The following ADAM19 variants were observed in gnomAD, a reference collection of about 807,000 sequenced individuals.
ADAM19 encodes ADAM metallopeptidase domain 19.
In ADAM19, 65 loss-of-function variants were observed where a neutral mutation model predicts 114.7. The observed-to-expected ratio is 0.57, with a 90% CI of 0.46 to 0.70. The LOEUF (loss-of-function observed/expected upper bound fraction) is 0.70, where lower values mean the gene tolerates loss of function less well. Ranked by LOEUF, ADAM19 falls within the 30% of genes least tolerant of loss-of-function variation. The pLI, the probability that ADAM19 is intolerant of heterozygous loss-of-function variation, is 0.00. For missense variants in ADAM19, 1,063 were observed against 1,204.7 expected (o/e 0.88, Z 1.74); for synonymous variants, 466 against 460.5 (o/e 1.01, Z -0.15).
intron 2 of ADAM19, chr5:157,570,688 CAACT>C: frequency 2.0e-6 from 1 of 490,678 alleles, no homozygotes; most frequent in Non-Finnish European, 3.6e-6. Context: ...TTCATTTCCT[CAACT>C]AATAGCATTG....
chr5:157,532,605 T>C (rs1173560521), intron 4 of ADAM19, among the ~76,000 whole-genome samples: 1 of 152,120 alleles, frequency 6.6e-6, no homozygotes, highest in Non-Finnish European at 1.5e-5. Context: ...AGAGCCAAGT[T>C]CTGGAAAGAT....
intron 7 of ADAM19, among the ~76,000 whole-genome samples, 165 bp from the exon 8 acceptor site, chr5:157,513,670 G>A (rs1014015332): frequency 2.0e-5 from 3 of 152,176 alleles, no homozygotes; most frequent in African/African-American, 7.2e-5. Flanking sequence ...TTGGAGGGTA[G>A]GACCTGTCAA....
intron 20 of ADAM19, among the ~76,000 whole-genome samples, chr5:157,488,793 A>G (rs1392893276): frequency 6.6e-6 from 1 of 152,124 alleles, no homozygotes; most frequent in Non-Finnish European, 1.5e-5. Context: ...GCATTTTGGG[A>G]GGCCGAGGCG....
At chr5:157,564,506 C>T in intron 2 of ADAM19, 63 bp from the exon 3 acceptor site, 3 of 1,429,244 alleles carry the variant, frequency 2.1e-6, no homozygotes, top group African/African-American at 1.4e-5. Context: ...CTGGGTCGGG[C>T]ACAGGATCTA....
intron 9 of ADAM19, among the ~76,000 whole-genome samples, chr5:157,508,708 A>C (rs150844082): frequency 4.6e-5 from 7 of 152,224 alleles, no homozygotes; most frequent in Admixed American, 1.3e-4. Flanking sequence ...AATACCAAAT[A>C]ATCACCCTGG....
chr5:157,574,093 C>A (rs538712167), intron 1 of ADAM19, among the ~76,000 whole-genome samples: 1 of 152,078 alleles, frequency 6.6e-6, no homozygotes, highest in South Asian at 2.1e-4. Context: ...ACGCAAGACA[C>A]GAAACTGTAC....
chr5:157,478,754 GA>G lies in ADAM19; in HGVS notation c.*2194del. ...CAACTTTATGGGATGGAGGTGATAT[GA>G]AAATAATAAAACAAAACAAAACAAA... On this transcript the variant is annotated 3_prime_UTR_variant, in exon 23 of 23. Coordinates refer to ENST00000257527, the MANE Select transcript of ADAM19 (RefSeq NM_033274.5). 1.0e-6 allele frequency: 1 copy of G among 985,804 alleles called. No homozygotes were observed. Among genetic ancestry groups the G allele is most frequent in the Non-Finnish European group, 1.2e-6 (1 of 829,930 alleles). The allele number at this position is 985,804 out of a possible 1,614,324, so 61.1% of individuals were successfully genotyped here.
Position 157,503,865 on chromosome 5 carries a change from C to T in ADAM19, c.1131-885G>A, listed in dbSNP as rs367825732. ...CAAACTCAACCAGCCAACTCATAAA[C>T]GCATGCTCTTTATCACAGGAGTATG... On this transcript the variant is annotated intron_variant, in intron 11 of 22. Coordinates refer to ENST00000257527, the MANE Select transcript of ADAM19 (RefSeq NM_033274.5). Among the ~76,000 whole-genome samples the T allele has an allele frequency of 6.6e-5, 10 of 152,312 alleles. No homozygotes were observed. In the East Asian group the frequency reaches 1.2e-3, roughly 18 times the overall value.
Position 157,549,516 on chromosome 5 carries a change from C to T in ADAM19, c.252-11525G>A, listed in dbSNP as rs138406800. On this transcript the variant is annotated intron_variant, in intron 3 of 22. Coordinates refer to ENST00000257527, the MANE Select transcript of ADAM19 (RefSeq NM_033274.5). ...ATTCTCCATTCATCTCATCTCCCTC[C>T]CTCATCAAAAGCCTCCCATCATTCT... is the stretch of plus-strand genomic sequence containing the variant. Among the ~76,000 whole-genome samples, 4 of 152,314 alleles carry T rather than the reference C, an allele frequency of 2.6e-5. No individual in the cohort carries two copies. The East Asian group carries it at 7.7e-4, about 29-fold the overall frequency.
intron 3 of ADAM19, among the ~76,000 whole-genome samples, chr5:157,554,984 G>T (rs962805443): frequency 1.3e-5 from 2 of 152,192 alleles, no homozygotes; most frequent in Admixed American, 1.3e-4. Flanking sequence ...TAGGAGGAAA[G>T]GGAAGGGGGA....
intron 8 of ADAM19, among the ~76,000 whole-genome samples, chr5:157,512,275 C>A (rs1755946855): frequency 6.6e-6 from 1 of 152,206 alleles, no homozygotes; most frequent in African/African-American, 2.4e-5. Context: ...GGCATGGAAA[C>A]TGCCATCTGA....
chr5:157,498,781 T>C (rs1264783593), intron 13 of ADAM19, among the ~76,000 whole-genome samples: 1 of 151,602 alleles, frequency 6.6e-6, no homozygotes, highest in Non-Finnish European at 1.5e-5. Context: ...CCAGCAAGGC[T>C]GGGGATAACA....
chr5:157,538,378 AG>A (rs1418241593), intron 3 of ADAM19, among the ~76,000 whole-genome samples: 4 of 152,228 alleles, frequency 2.6e-5, no homozygotes, highest in African/African-American at 9.6e-5. Flanking sequence ...ACCAATTTTT[AG>A]TATCAGCAGA....
intron 3 of ADAM19, among the ~76,000 whole-genome samples, chr5:157,561,301 T>C (rs566787219): frequency 6.6e-6 from 1 of 152,230 alleles, no homozygotes; most frequent in Non-Finnish European, 1.5e-5. Context: ...CCATGCCCCA[T>C]GCCTTTCCAT....
chr5:157,571,066 T>C (rs1439601062), intron 1 of ADAM19, 86 bp from the exon 2 acceptor site: 2 of 1,121,138 alleles, frequency 1.8e-6, no homozygotes, highest in Non-Finnish European at 2.6e-6. Context: ...GAGCTGCCCC[T>C]GCACTGGGTC....
Position 157,481,834 on chromosome 5 carries a change from G to T in ADAM19, c.2660C>A (p.Ala887Asp). The T allele has an allele frequency of 6.3e-7, 1 of 1,581,824 alleles. No individual in the cohort carries two copies. Among genetic ancestry groups the T allele is most frequent in the Non-Finnish European group, 8.6e-7 (1 of 1,163,142 alleles). ...GGASPLRPPGAGPQQSRPLAA... is the reference protein window; with the variant it reads ...GGASPLRPPGDGPQQSRPLAA... ...CAGAGGCCGGGACTGCTGAGGGCCAGCACCAGGGGGCCGCAGTGGGGATGC... is the reference window on the plus strand; with the variant it reads ...CAGAGGCCGGGACTGCTGAGGGCCATCACCAGGGGGCCGCAGTGGGGATGC... Residue 887 changes from alanine to aspartate, a missense_variant, in exon 22 of 23, where the codon GCT becomes GAT. Coordinates refer to ENST00000257527, the MANE Select transcript of ADAM19 (RefSeq NM_033274.5).
At chr5:157,564,279 C>A in intron 3 of ADAM19, 94 bp downstream of exon 3, 2 of 1,168,338 alleles carry the variant, frequency 1.7e-6, no homozygotes, top group East Asian at 2.3e-5. Context: ...GGGGTCACTC[C>A]ATTGACTGCT....
chr5:157,525,141 G>A (rs75553148), intron 5 of ADAM19, among the ~76,000 whole-genome samples: 2,418 of 152,314 alleles, frequency 0.016, 78 homozygotes, highest in African/African-American at 0.055. Flanking sequence ...GTTTAAACCA[G>A]GAAGTGTCTG....
chr5:157,481,208 G>A, intron 22 of ADAM19: 1 of 643,126 alleles, frequency 1.6e-6, no homozygotes, highest in South Asian at 1.9e-5. Context: ...ATCTCAAGCT[G>A]ACCAGCCACC....
Sources: allele counts gnomAD v4.1 joint callset (sites outside exome capture counted in the v4.1 genomes callset), GRCh38; gene constraint gnomAD v4.1.1; transcripts MANE v1.5; gene names NCBI Gene and HGNC (gene_info 2026-07-23, HGNC 2026-07-21).